Variants in TRIM23 observed in about 807,000 individuals in gnomAD.
The protein encoded by TRIM23 is tripartite motif containing 23, also known as E3 ubiquitin-protein ligase TRIM23.
TRIM23 carries 27 observed loss-of-function variants against 71.0 expected under a neutral mutation model. That is an observed-to-expected ratio of 0.38 (90% CI 0.28 to 0.52). TRIM23 has a LOEUF of 0.52. TRIM23 is among the 20% of genes least tolerant of loss of function. TRIM23 has a pLI of 0.84. For synonymous variants in TRIM23, 234 were observed against 238.0 expected (o/e 0.98, Z 0.16); for missense variants, 482 against 692.3 (o/e 0.70, Z 3.41).
At chr5:65,605,577 ATATC>A (rs1353769774) in intron 6 of TRIM23, among the ~76,000 whole-genome samples, 1 of 152,176 alleles carries the variant, frequency 6.6e-6, no homozygotes, top group African/African-American at 2.4e-5. Flanking sequence ...ATACATTTCT[ATATC>A]TATGTTCTAT....
intron 10 of TRIM23, among the ~76,000 whole-genome samples, chr5:65,592,239 C>G (rs1039860449): frequency 1.1e-4 from 16 of 151,802 alleles, no homozygotes; most frequent in Non-Finnish European, 2.2e-4. Context: ...ATTTTTTTAT[C>G]TTTTGAGACA....
At chr5:65,602,873 C>T (rs1436469628) in intron 7 of TRIM23, among the ~76,000 whole-genome samples, 6 of 152,176 alleles carry the variant, frequency 3.9e-5, no homozygotes, top group Admixed American at 3.9e-4. Flanking sequence ...TTACCTCCCC[C>T]TGGGTCCCTC....
intron 5 of TRIM23, 152 bp from the exon 6 acceptor site, chr5:65,609,610 G>C: frequency 1.3e-6 from 1 of 765,296 alleles, no homozygotes; most frequent in Admixed American, 2.9e-5. Context: ...TGTGCCTGTA[G>C]TCCCAGCTAC....
chr5:65,593,312 G>A (rs1412149476), intron 10 of TRIM23, among the ~76,000 whole-genome samples: 1 of 152,140 alleles, frequency 6.6e-6, no homozygotes, highest in Non-Finnish European at 1.5e-5. Context: ...GCAAGCACCT[G>A]TAATCCCAGC....
intron 6 of TRIM23, among the ~76,000 whole-genome samples, chr5:65,607,707 G>GT (rs2150632551): frequency 6.6e-6 from 1 of 152,252 alleles, no homozygotes; most frequent in East Asian, 1.9e-4. Flanking sequence ...AAATATTTCA[G>GT]TAACTATGAA....
Position 65,624,218 on chromosome 5 carries a change from GC to G in TRIM23, c.56del (p.Gly19AlafsTer7). ...LGAGVDSGRQ[G>X]SRGTAVVKVL... ...CCTTCACTACAGCTGTCCCCCGGCT[GC>G]CCTGCCGGCCACTGTCTACTCCCGC... On this transcript the variant is annotated frameshift_variant, in exon 1 of 11. Coordinates refer to ENST00000231524, the MANE Select transcript of TRIM23 (RefSeq NM_001656.4). LOFTEE classifies it high-confidence loss of function. 6.2e-7 allele frequency: 1 copy of G among 1,614,206 alleles called. No homozygotes were observed. The highest frequency in any genetic ancestry group is 8.5e-7 in the Non-Finnish European group (1 of 1,180,040).
chr5:65,624,155 A>C (rs751687188), intron 1 of TRIM23, 39 bp downstream of exon 1: 3 of 1,612,630 alleles, frequency 1.9e-6, no homozygotes, highest in Non-Finnish European at 2.5e-6. Context: ...AACCGAAGGG[A>C]GGCCGATGGT....
At chr5:65,604,784 A>G (rs1581181500) in intron 7 of TRIM23, 127 bp downstream of exon 7, 2 of 867,690 alleles carry the variant, frequency 2.3e-6, no homozygotes. Flanking sequence ...TTCCACTGAT[A>G]AAAGTTTTCT....
At chr5:65,611,486 A>T (rs751926314) in intron 4 of TRIM23, 117 bp downstream of exon 4, 89 of 1,140,370 alleles carry the variant, frequency 7.8e-5, no homozygotes, top group Middle Eastern at 2.2e-4. Context: ...CCAATCACTC[A>T]TCACTTAACT....
In TRIM23 at chr5:65,591,778, A is replaced by G. The variant is rs1754037061; in HGVS notation, c.1716T>C (p.Asp572=). The stretch of plus-strand genomic sequence containing the variant: ...ACTGCTGCCTTTAAAATCAAGCAAC[A>G]TCCAATACTCCAGCAGCTACAAGTT... ...SRQLVAAGVL[D]VA Residue 572 remains aspartate, a synonymous_variant, in exon 11 of 11, where the codon GAT becomes GAC. Coordinates refer to ENST00000231524, the MANE Select transcript of TRIM23 (RefSeq NM_001656.4). 3 of 1,609,286 alleles carry G rather than the reference A, an allele frequency of 1.9e-6. No individual in the cohort carries two copies. Among genetic ancestry groups the G allele is most frequent in the Admixed American group, 3.3e-5 (2 of 59,904 alleles).
chr5:65,611,523 A>C, intron 4 of TRIM23, 80 bp downstream of exon 4: 1 of 1,481,748 alleles, frequency 6.7e-7, no homozygotes, highest in Non-Finnish European at 9.1e-7. Context: ...TTTCAGAATA[A>C]AGAACCAGGT....
chr5:65,594,075 A>T (rs891332794), intron 10 of TRIM23, among the ~76,000 whole-genome samples: 2 of 152,150 alleles, frequency 1.3e-5, no homozygotes, highest in African/African-American at 4.8e-5. Flanking sequence ...TGACATATAG[A>T]TCTGCTTGAT....
At position 65,614,199 on chromosome 5, in the gene TRIM23, A is replaced by T; in HGVS notation, c.265T>A (p.Leu89Met). ...TDLGDSGVWG[L>M]KKNFALLELL... ...TCCAATAAAGCAAAATTTTTTTTCA[A>T]TCCCCAGACACCTGAATCACCTAGA... Residue 89 changes from leucine to methionine, a missense_variant, in exon 3 of 11, where the codon TTG (leucine) becomes ATG (methionine). Physicochemically the swap from Leu to Met is conservative, Grantham distance 15. This residue lies in a region of TRIM23 where 175 missense variants were observed against 196.5 expected (regional missense o/e 0.89). Transcript: ENST00000231524. The T allele has an allele frequency of 6.2e-7, 1 of 1,613,708 alleles. No individual in the cohort carries two copies. The highest frequency in any genetic ancestry group is 8.5e-7 in the Non-Finnish European group (1 of 1,179,680).
chr5:65,597,201 A>G lies in TRIM23; in HGVS notation c.1180-21T>C, dbSNP rs114135820. 137 of 1,612,394 alleles carry G rather than the reference A, an allele frequency of 8.5e-5. No individual in the cohort carries two copies. The African/African-American group carries it at 1.7e-3, about 21-fold the overall frequency. ...TTATCCTACAATTTAAATATTTTTA[A>G]ATATGTTTGACATGCAGTTAGAAAG... On this transcript the variant is annotated intron_variant, in intron 7 of 10. Coordinates refer to ENST00000231524, the MANE Select transcript of TRIM23 (RefSeq NM_001656.4).
intron 1 of TRIM23, among the ~76,000 whole-genome samples, chr5:65,623,327 C>A (rs2150647211): frequency 6.6e-6 from 1 of 152,268 alleles, no homozygotes; most frequent in Middle Eastern, 3.4e-3. Context: ...CAGTAGTGTA[C>A]TAAAACTCCT....
At chr5:65,624,101 T>TATCGA in intron 1 of TRIM23, 93 bp downstream of exon 1, 1 of 1,487,762 alleles carries the variant, frequency 6.7e-7, no homozygotes, top group East Asian at 2.3e-5. Context: ...GCATCCCACC[T>TATCGA]ATCGAAGCCT....
intron 1 of TRIM23, among the ~76,000 whole-genome samples, chr5:65,620,424 G>A (rs955373395): frequency 6.6e-6 from 1 of 151,942 alleles, no homozygotes; most frequent in Non-Finnish European, 1.5e-5. Context: ...ATATCAGCTT[G>A]GAAAATAAAT....
chr5:65,605,104 CTT>C, intron 6 of TRIM23, 59 bp from the exon 7 acceptor site: 2 of 1,443,234 alleles, frequency 1.4e-6, no homozygotes, highest in Non-Finnish European at 1.8e-6. Context: ...GGAAAAGAGA[CTT>C]ATATTACCAA....
chr5:65,611,487 T>C (rs1754649152), intron 4 of TRIM23, 116 bp downstream of exon 4: 1 of 1,157,798 alleles, frequency 8.6e-7, no homozygotes, highest in Non-Finnish European at 1.2e-6. Context: ...CAATCACTCA[T>C]CACTTAACTC....
Sources: gnomAD v4.1 joint callset for allele counts (sites outside exome capture counted in the v4.1 genomes callset) on GRCh38, gnomAD v4.1.1 for gene constraint, gnomAD v4.1.1 regional missense constraint, MANE v1.5 for transcripts, NCBI Gene and HGNC (gene_info 2026-07-23, HGNC 2026-07-21) for gene names.